Variants in RGS6 observed in about 807,000 individuals in gnomAD.
RGS6 encodes the protein regulator of G-protein signaling 6.
A neutral mutation model predicts 78.5 loss-of-function variants in RGS6; 30 were observed. That is an observed-to-expected ratio of 0.38 (90% CI 0.29 to 0.52). RGS6 has a LOEUF of 0.52. RGS6 is among the 20% of genes least tolerant of loss of function. RGS6 has a pLI of 0.85. For synonymous variants in RGS6, 206 were observed against 206.0 expected (o/e 1.00, Z 0.00); for missense variants, 495 against 609.7 (o/e 0.81, Z 1.98).
intron 2 of RGS6, among the ~76,000 whole-genome samples, chr14:72,110,923 ACT>A (rs1190936600): frequency 1.3e-5 from 2 of 151,938 alleles, no homozygotes; most frequent in African/African-American, 4.8e-5. Flanking sequence ...TCCTTGCCTC[ACT>A]CTGATCCCTC....
intron 3 of RGS6, among the ~76,000 whole-genome samples, chr14:72,434,973 A>G (rs1417322498): frequency 6.6e-6 from 1 of 152,212 alleles, no homozygotes; most frequent in Non-Finnish European, 1.5e-5. Context: ...GAAAAATTTT[A>G]GAGACCAAAA....
At chr14:71,967,838 G>A (rs1253296056) in intron 2 of RGS6, among the ~76,000 whole-genome samples, 1 of 152,152 alleles carries the variant, frequency 6.6e-6, no homozygotes, top group Non-Finnish European at 1.5e-5. Context: ...ATGACATTTA[G>A]GATGGTAACC....
intron 2 of RGS6, among the ~76,000 whole-genome samples, chr14:72,160,542 C>T (rs1177032284): frequency 2.0e-5 from 3 of 152,122 alleles, no homozygotes; most frequent in African/African-American, 7.2e-5. Context: ...GAAGTCCTAA[C>T]CCCCAGTATC....
intron 3 of RGS6, among the ~76,000 whole-genome samples, chr14:72,395,339 T>C (rs528036504): frequency 6.6e-5 from 10 of 152,270 alleles, no homozygotes; most frequent in Admixed American, 3.9e-4. Flanking sequence ...TGTATATACA[T>C]ATATATGGAT....
chr14:72,064,685 A>G (rs1441856886), intron 2 of RGS6, among the ~76,000 whole-genome samples: 1 of 152,248 alleles, frequency 6.6e-6, no homozygotes, highest in Non-Finnish European at 1.5e-5. Context: ...CAAGCCTTGA[A>G]TGAGGAGATA....
intron 2 of RGS6, among the ~76,000 whole-genome samples, chr14:72,263,119 A>G (rs1419723185): frequency 6.6e-6 from 1 of 152,206 alleles, no homozygotes; most frequent in African/African-American, 2.4e-5. Flanking sequence ...AGAGGACCAA[A>G]TGAAAGATTC....
chr14:71,990,614 A>T (rs1173568662), intron 2 of RGS6: 1 of 455,904 alleles, frequency 2.2e-6, no homozygotes, highest in Non-Finnish European at 4.4e-6. Context: ...CAATCTCTGC[A>T]TATTCCTTCT....
intron 14 of RGS6, chr14:72,511,528 T>A (rs1249480590): frequency 6.6e-6 from 1 of 152,234 alleles, no homozygotes; most frequent in African/African-American, 2.4e-5. Context: ...ATTAAATCAT[T>A]GAATGTCTAT....
At chr14:71,946,207 G>T (rs2091485120) in intron 1 of RGS6, among the ~76,000 whole-genome samples, 1 of 152,144 alleles carries the variant, frequency 6.6e-6, no homozygotes, top group Non-Finnish European at 1.5e-5. Context: ...GATAGCCAGG[G>T]GTATGTGACA....
At chr14:72,621,140 C>CAAGAAAA in the RGS6 span, among the ~76,000 whole-genome samples, 1 of 122,066 alleles carries the variant, frequency 8.2e-6, no homozygotes, top group Non-Finnish European at 1.8e-5. Context: ...GACTCTGTCT[C>CAAGAAAA]AAAAAAAAAA....
At chr14:72,493,607 C>A (rs1392803444) in intron 12 of RGS6, among the ~76,000 whole-genome samples, 1 of 152,164 alleles carries the variant, frequency 6.6e-6, no homozygotes, top group East Asian at 1.9e-4. Flanking sequence ...ACACACTGTG[C>A]CCAGCATAGT....
chr14:72,286,799 T>G (rs2062643628), intron 2 of RGS6, among the ~76,000 whole-genome samples: 2 of 142,592 alleles, frequency 1.4e-5, no homozygotes, highest in African/African-American at 2.5e-5. Flanking sequence ...TCCCCTCCCC[T>G]TCCCTCCCTT....
chr14:72,597,329 G>A, the RGS6 span, among the ~76,000 whole-genome samples: 1 of 152,192 alleles, frequency 6.6e-6, no homozygotes, highest in African/African-American at 2.4e-5. Flanking sequence ...TAAGAAATAT[G>A]TTTAGCATGG....
At chr14:72,550,415 C>T (rs1475710794) in intron 17 of RGS6, 46 of 1,497,466 alleles carry the variant, frequency 3.1e-5, no homozygotes, top group Admixed American at 2.2e-4. Flanking sequence ...TTTTTGTTTG[C>T]ACTAAGCACC....
intron 2 of RGS6, among the ~76,000 whole-genome samples, chr14:72,259,650 G>A (rs544450882): frequency 1.3e-5 from 2 of 152,290 alleles, no homozygotes; most frequent in South Asian, 4.1e-4. Flanking sequence ...GCTCACGCCT[G>A]TAATCCCAGC....
chr14:72,250,422 G>T (rs2055440754), intron 2 of RGS6, among the ~76,000 whole-genome samples: 1 of 117,724 alleles, frequency 8.5e-6, no homozygotes, highest in African/African-American at 3.0e-5. Context: ...AACCCCAAGG[G>T]ATGTAAAAAC....
chr14:72,602,129 A>G, the RGS6 span, among the ~76,000 whole-genome samples: 3 of 152,350 alleles, frequency 2.0e-5, no homozygotes, highest in East Asian at 5.8e-4. Flanking sequence ...AATTCCCTCC[A>G]TTAAGAGAAA....
At chr14:72,533,451 A>G (rs114578141) in intron 15 of RGS6, among the ~76,000 whole-genome samples, 3,779 of 152,354 alleles carry the variant, frequency 0.025, 79 homozygotes, top group East Asian at 0.092. Context: ...TCTGTAGCCT[A>G]TGGATCAAGA....
chr14:72,108,254 C>A (rs1392711831), intron 2 of RGS6, among the ~76,000 whole-genome samples: 1 of 152,134 alleles, frequency 6.6e-6, no homozygotes, highest in Non-Finnish European at 1.5e-5. Context: ...TACATTAGAT[C>A]ATATCCTTCT....
Sources: allele counts gnomAD v4.1 joint callset (sites outside exome capture counted in the v4.1 genomes callset), GRCh38; gene constraint gnomAD v4.1.1; transcripts MANE v1.5; gene names NCBI Gene and HGNC (gene_info 2026-07-23, HGNC 2026-07-21).